AUH: variants seen among roughly 807,000 people sequenced by gnomAD.
AUH encodes methylglutaconyl-CoA hydratase, mitochondrial.
In AUH, 29 loss-of-function variants were observed where a neutral mutation model predicts 42.3. That is an observed-to-expected ratio of 0.69 (90% CI 0.51 to 0.93). The LOEUF (loss-of-function observed/expected upper bound fraction) is 0.93, where lower values mean the gene tolerates loss of function less well. Among genes scored for constraint, AUH ranks in the 40% least tolerant of loss-of-function variants. The probability of loss-of-function intolerance (pLI) is 0.00; values close to 1 mark genes in which losing one functional copy is unlikely to be tolerated. For missense variants in AUH, 452 were observed against 438.1 expected, an observed-to-expected ratio of 1.03 and a Z score of -0.28; for synonymous variants, 174 against 166.4, an observed-to-expected ratio of 1.05 and a Z score of -0.35.
chr9:91,256,370 G>C (rs1780760833), intron 6 of AUH, among the ~76,000 whole-genome samples: 1 of 152,080 alleles, frequency 6.6e-6, no homozygotes, highest in East Asian at 1.9e-4. Flanking sequence ...AGACTATCGA[G>C]AACCCCAGAT....
chr9:91,283,305 C>T (rs1165310775), intron 6 of AUH, among the ~76,000 whole-genome samples: 17 of 152,060 alleles, frequency 1.1e-4, no homozygotes, highest in African/African-American at 2.7e-4. Flanking sequence ...ATTGATGGGA[C>T]GTATCTCAAA....
At chr9:91,231,667 C>G (rs7863280) in intron 6 of AUH, among the ~76,000 whole-genome samples, 3,783 of 152,236 alleles carry the variant, frequency 0.025, 75 homozygotes, top group East Asian at 0.058. Flanking sequence ...GTTTCAGTCT[C>G]ACAAGCAGCC....
chr9:91,230,947 C>T (rs999653097), intron 6 of AUH, among the ~76,000 whole-genome samples: 3 of 152,214 alleles, frequency 2.0e-5, no homozygotes, highest in Non-Finnish European at 2.9e-5. Context: ...AGAACCACTG[C>T]TCTCTTCAAA....
chr9:91,272,456 G>A (rs1352089710), intron 6 of AUH, among the ~76,000 whole-genome samples: 1 of 152,184 alleles, frequency 6.6e-6, no homozygotes, highest in Non-Finnish European at 1.5e-5. Context: ...CTGAAGCCGA[G>A]AGCACTGTGC....
intron 6 of AUH, among the ~76,000 whole-genome samples, chr9:91,262,135 C>T (rs1232007407): frequency 3.3e-5 from 5 of 152,140 alleles, no homozygotes; most frequent in Non-Finnish European, 2.9e-5. Context: ...CAACAAACTG[C>T]TTTGTTCTTT....
chr9:91,217,629 GAAGTT>G (rs1284319408), intron 7 of AUH, among the ~76,000 whole-genome samples: 1 of 152,150 alleles, frequency 6.6e-6, no homozygotes, highest in Non-Finnish European at 1.5e-5. Context: ...ACACTTCCTA[GAAGTT>G]AAGTAGAGGA....
chr9:91,297,997 A>G lies in AUH; in HGVS notation c.585T>C (p.Asp195=). 6.2e-7 allele frequency: 1 copy of G among 1,608,854 alleles called. No homozygotes were observed. The highest frequency in any genetic ancestry group is 8.5e-7 in the Non-Finnish European group (1 of 1,175,118). The change falls in exon 5 of 10, where the codon GAT becomes GAC. Residue 195 remains aspartate (D), a synonymous_variant. Transcript: ENST00000375731. ...ATTAATTCTTACCTGCTACTCGTAT[A>G]TCACAGGCTAAAGCCAGTTCAAGAC... ...GGGLELALAC[D]IRVAASSAKM...
chr9:91,336,868 A>T (rs1041364215), intron 3 of AUH, among the ~76,000 whole-genome samples: 29 of 152,194 alleles, frequency 1.9e-4, no homozygotes, highest in Non-Finnish European at 4.4e-5. Context: ...CTTAATTTAA[A>T]GAGGACAGCC....
chr9:91,312,381 T>C (rs1035284519), intron 4 of AUH, among the ~76,000 whole-genome samples: 5 of 152,200 alleles, frequency 3.3e-5, no homozygotes, highest in Non-Finnish European at 7.3e-5. Context: ...GTATCAGTAC[T>C]AATACTGCCA....
chr9:91,308,589 A>C (rs1002830203), intron 4 of AUH, among the ~76,000 whole-genome samples: 1 of 152,232 alleles, frequency 6.6e-6, no homozygotes, highest in Non-Finnish European at 1.5e-5. Context: ...CAAATTTCTA[A>C]TAATTACATC....
At chr9:91,305,092 T>G (rs1490380285) in intron 4 of AUH, among the ~76,000 whole-genome samples, 1 of 152,222 alleles carries the variant, frequency 6.6e-6, no homozygotes, top group Non-Finnish European at 1.5e-5. Context: ...AACAACATGA[T>G]AGAATGTTTA....
chr9:91,238,135 A>T (rs1437996986), intron 6 of AUH, among the ~76,000 whole-genome samples: 1 of 152,242 alleles, frequency 6.6e-6, no homozygotes, highest in East Asian at 1.9e-4. Context: ...AGTCAGAAAC[A>T]AAATTTTGGG....
At chr9:91,296,101 A>C in intron 5 of AUH, 24 bp from the exon 6 acceptor site, 1 of 1,610,786 alleles carries the variant, frequency 6.2e-7, no homozygotes, top group Non-Finnish European at 8.5e-7. Context: ...AAGAAAATTA[A>C]GTATCATCCA....
chr9:91,290,959 A>G (rs1826826292), intron 6 of AUH, among the ~76,000 whole-genome samples: 1 of 152,180 alleles, frequency 6.6e-6, no homozygotes, highest in African/African-American at 2.4e-5. Flanking sequence ...CCTCTGAACA[A>G]CTGAAATTTA....
intron 6 of AUH, among the ~76,000 whole-genome samples, chr9:91,226,903 T>C (rs1587638356): frequency 7.3e-6 from 1 of 136,494 alleles, no homozygotes; most frequent in East Asian, 2.2e-4. Flanking sequence ...TCTGTTCCAT[T>C]GATCTATATC....
At chr9:91,264,072 C>A (rs1707739404) in intron 6 of AUH, among the ~76,000 whole-genome samples, 1 of 152,106 alleles carries the variant, frequency 6.6e-6, no homozygotes, top group African/African-American at 2.4e-5. Flanking sequence ...TTATCACAGA[C>A]TAGCTGTGTT....
At chr9:91,354,418 T>C (rs1832250742) in intron 3 of AUH, among the ~76,000 whole-genome samples, 1 of 152,188 alleles carries the variant, frequency 6.6e-6, no homozygotes, top group Admixed American at 6.5e-5. Flanking sequence ...GGCTAACATG[T>C]TATTCTAATA....
intron 4 of AUH, among the ~76,000 whole-genome samples, chr9:91,321,806 T>C (rs1020465941): frequency 1.3e-5 from 2 of 152,202 alleles, no homozygotes; most frequent in Non-Finnish European, 2.9e-5. Context: ...TGGGTATGCA[T>C]AAATAAAGCT....
intron 6 of AUH, among the ~76,000 whole-genome samples, chr9:91,276,203 C>A (rs185487832): frequency 6.6e-6 from 1 of 152,032 alleles, no homozygotes; most frequent in Non-Finnish European, 1.5e-5. Flanking sequence ...CCAAGGCAGG[C>A]GGATCACTTG....
Sources: allele counts gnomAD v4.1 joint callset (sites outside exome capture counted in the v4.1 genomes callset), GRCh38; gene constraint gnomAD v4.1.1; transcripts MANE v1.5; gene names NCBI Gene and HGNC (gene_info 2026-07-23, HGNC 2026-07-21).